CAMKMT: variants seen among roughly 807,000 people sequenced by gnomAD.
CAMKMT encodes CaM KMT.
Under a neutral mutation model 48.0 loss-of-function variants are expected in CAMKMT, and 53 were observed. That is an observed-to-expected ratio of 1.10 (90% CI 0.89 to 1.39). CAMKMT has a LOEUF of 1.39. Ranked by LOEUF, CAMKMT falls within the 40% of genes most tolerant of loss-of-function variation. The pLI is 0.00. For missense variants in CAMKMT, 428 were observed against 402.7 expected, an observed-to-expected ratio of 1.06 and a Z score of -0.54; for synonymous variants, 165 against 152.3, an observed-to-expected ratio of 1.08 and a Z score of -0.61.
chr2:44,398,713 C>A (rs150157525), intron 3 of CAMKMT, among the ~76,000 whole-genome samples: 1 of 146,078 alleles, frequency 6.8e-6, no homozygotes, highest in African/African-American at 2.6e-5. Flanking sequence ...ACGTAAATCA[C>A]CCAAAGAGCT....
intron 7 of CAMKMT, among the ~76,000 whole-genome samples, chr2:44,737,120 T>A (rs1679396696): frequency 6.6e-6 from 1 of 152,174 alleles, no homozygotes; most frequent in African/African-American, 2.4e-5. Flanking sequence ...TTTTGAGATT[T>A]TGCGTTTGTT....
At chr2:44,453,022 A>G (rs551392803) in intron 3 of CAMKMT, among the ~76,000 whole-genome samples, 23 of 152,194 alleles carry the variant, frequency 1.5e-4, no homozygotes, top group African/African-American at 2.2e-4. Context: ...TTGATTTACT[A>G]TGCTAAAATA....
chr2:44,362,134 C>A lies in CAMKMT; in HGVS notation c.127C>A (p.Leu43Ile). The change falls in exon 1 of 11, where the codon CTC (leucine) becomes ATC (isoleucine). Residue 43 changes from leucine to isoleucine, a missense_variant. Transcript: ENST00000378494. ...SAPLGAARWK[L>I]LRQVLKQKHL... ...GCCCCTGGGAGCCGCCCGGTGGAAG[C>A]TCCTGCGGCAGGTAAGGGAGAACCT... is the stretch of plus-strand genomic sequence containing the variant. 6.8e-7 allele frequency: 1 copy of A among 1,478,038 alleles called. No individual in the cohort carries two copies. Among genetic ancestry groups the A allele is most frequent in the East Asian group, 2.9e-5 (1 of 34,780 alleles). 91.6% of individuals were successfully genotyped at this position (1,478,038 alleles called of 1,614,324 possible).
chr2:44,643,890 A>G (rs1222670781), intron 3 of CAMKMT, among the ~76,000 whole-genome samples: 1 of 152,186 alleles, frequency 6.6e-6, no homozygotes, highest in East Asian at 1.9e-4. Context: ...CATTATAATA[A>G]AACAGACTAA....
chr2:44,671,013 C>T (rs1363676260), intron 3 of CAMKMT, among the ~76,000 whole-genome samples: 1 of 152,146 alleles, frequency 6.6e-6, no homozygotes, highest in Non-Finnish European at 1.5e-5. Context: ...TAGCTAGTTG[C>T]CTAAGGAATG....
chr2:44,616,628 T>A (rs1466976736), intron 3 of CAMKMT, among the ~76,000 whole-genome samples: 1 of 152,166 alleles, frequency 6.6e-6, no homozygotes, highest in African/African-American at 2.4e-5. Context: ...TAACTATATA[T>A]TTGAACAAAC....
At chr2:44,531,807 A>G (rs898552206) in intron 3 of CAMKMT, among the ~76,000 whole-genome samples, 3 of 152,282 alleles carry the variant, frequency 2.0e-5, no homozygotes, top group Admixed American at 2.0e-4. Flanking sequence ...TCCTTTTAAG[A>G]AAACTAAGGC....
intron 8 of CAMKMT, among the ~76,000 whole-genome samples, 188 bp downstream of exon 8, chr2:44,743,884 C>T (rs542302478): frequency 1.5e-3 from 223 of 152,330 alleles, no homozygotes; most frequent in African/African-American, 5.1e-3. Context: ...ACAGTAACTT[C>T]TACCACATTA....
intron 3 of CAMKMT, among the ~76,000 whole-genome samples, chr2:44,602,784 G>A (rs1028744197): frequency 2.0e-5 from 3 of 151,960 alleles, no homozygotes; most frequent in South Asian, 4.2e-4. Flanking sequence ...AGGAAAATTC[G>A]CATCCACGAT....
At chr2:44,422,232 C>T (rs1683981785) in intron 3 of CAMKMT, among the ~76,000 whole-genome samples, 1 of 152,180 alleles carries the variant, frequency 6.6e-6, no homozygotes, top group African/African-American at 2.4e-5. Context: ...TCCCTGAGGC[C>T]TCACCGGAAG....
intron 3 of CAMKMT, among the ~76,000 whole-genome samples, chr2:44,460,238 T>A (rs1011422426): frequency 1.2e-4 from 18 of 152,322 alleles, no homozygotes; most frequent in East Asian, 7.7e-4. Flanking sequence ...CATTTTGTTG[T>A]TAGTCTTGAA....
intron 3 of CAMKMT, among the ~76,000 whole-genome samples, chr2:44,639,397 A>G (rs186711658): frequency 6.6e-6 from 1 of 152,358 alleles, no homozygotes; most frequent in East Asian, 1.9e-4. Context: ...TTAAGAGCAC[A>G]GATGCTGGAG....
chr2:44,650,127 T>A (rs948792869), intron 3 of CAMKMT, among the ~76,000 whole-genome samples: 1 of 152,190 alleles, frequency 6.6e-6, no homozygotes, highest in African/African-American at 2.4e-5. Flanking sequence ...CTTTCACAGT[T>A]CTGGAGGCTA....
intron 3 of CAMKMT, among the ~76,000 whole-genome samples, chr2:44,554,324 C>T (rs867812855): frequency 2.6e-5 from 4 of 152,200 alleles, no homozygotes; most frequent in Admixed American, 1.3e-4. Context: ...TTCCTAGTAA[C>T]CCAGATTGCC....
chr2:44,567,879 TCAG>T (rs1362778856), intron 3 of CAMKMT, among the ~76,000 whole-genome samples: 2 of 152,188 alleles, frequency 1.3e-5, no homozygotes, highest in Non-Finnish European at 2.9e-5. Context: ...ATTCATTCAT[TCAG>T]CAGTTATTTA....
At chr2:44,746,551 T>G (rs529740539) in intron 8 of CAMKMT, among the ~76,000 whole-genome samples, 17 of 152,334 alleles carry the variant, frequency 1.1e-4, no homozygotes, top group Middle Eastern at 3.4e-3. Flanking sequence ...CTAGTCATTA[T>G]TTCACCATTC....
chr2:44,711,117 A>T (rs867073133), intron 6 of CAMKMT, among the ~76,000 whole-genome samples: 4 of 152,262 alleles, frequency 2.6e-5, no homozygotes, highest in Admixed American at 6.6e-5. Flanking sequence ...TGTACCATAG[A>T]TGGTTAATAA....
chr2:44,759,352 C>A (rs925297039), intron 9 of CAMKMT, among the ~76,000 whole-genome samples: 2 of 152,152 alleles, frequency 1.3e-5, no homozygotes, highest in African/African-American at 4.8e-5. Flanking sequence ...AACTCCTGGG[C>A]TCAAGCAATC....
chr2:44,638,340 A>T (rs1673257787), intron 3 of CAMKMT, among the ~76,000 whole-genome samples: 1 of 152,184 alleles, frequency 6.6e-6, no homozygotes, highest in African/African-American at 2.4e-5. Flanking sequence ...AAGAGAATAC[A>T]CAGAGATTCC....
Sources: allele counts gnomAD v4.1 joint callset (sites outside exome capture counted in the v4.1 genomes callset), GRCh38; gene constraint gnomAD v4.1.1; transcripts MANE v1.5; gene names NCBI Gene and HGNC (gene_info 2026-07-23, HGNC 2026-07-21).